GRIP1: variants seen among roughly 807,000 people sequenced by gnomAD.
GRIP1 encodes the protein glutamate receptor interacting protein 1.
A neutral mutation model predicts 129.9 loss-of-function variants in GRIP1; 45 were observed. That is an observed-to-expected ratio of 0.35 (90% CI 0.27 to 0.44). The LOEUF is 0.44. GRIP1 is among the 20% of genes least tolerant of loss of function. The probability of loss-of-function intolerance (pLI) is 1.00; values close to 1 mark genes in which losing one functional copy is unlikely to be tolerated. For synonymous variants in GRIP1, 530 were observed against 520.8 expected, an observed-to-expected ratio of 1.02 and a Z score of -0.24; for missense variants, 1,196 against 1,396.8, an observed-to-expected ratio of 0.86 and a Z score of 2.29.
intron 7 of GRIP1, among the ~76,000 whole-genome samples, chr12:66,494,975 T>A (rs1228661706): frequency 6.6e-6 from 1 of 152,128 alleles, no homozygotes; most frequent in Non-Finnish European, 1.5e-5. Flanking sequence ...AATGTATGTG[T>A]CCTAGGGTTG....
At chr12:67,067,907 C>T (rs753575910) in intron 1 of GRIP1, among the ~76,000 whole-genome samples, 10 of 152,240 alleles carry the variant, frequency 6.6e-5, no homozygotes, top group African/African-American at 2.2e-4. Context: ...TTAACCTCAG[C>T]ACCGGCTGTT....
intron 15 of GRIP1, among the ~76,000 whole-genome samples, chr12:66,409,672 A>G (rs961510150): frequency 2.0e-4 from 30 of 152,252 alleles, no homozygotes; most frequent in African/African-American, 7.2e-4. Flanking sequence ...CTGAGAAAAC[A>G]CGACCTCACC....
chr12:66,751,374 G>C (rs949820246), intron 1 of GRIP1, among the ~76,000 whole-genome samples: 1 of 152,186 alleles, frequency 6.6e-6, no homozygotes. Context: ...GCAGAAAAGG[G>C]GTAACCAGCT....
Position 66,453,649 on chromosome 12 carries a change from C to T in GRIP1, c.1354+1760G>A, listed in dbSNP as rs151157069. 3.2e-4 allele frequency among the ~76,000 whole-genome samples: 49 copies of T among 152,296 alleles called. No individual in the cohort carries two copies. In the East Asian group the frequency reaches 7.7e-3, roughly 24 times the overall value. On this transcript the variant is annotated intron_variant, in intron 11 of 24. Transcript: ENST00000359742. ...CCAGGTGTTGTTCTAAACACATATA[C>T]ACATGCAATCTCATGTAATCTCAAT...
intron 1 of GRIP1, among the ~76,000 whole-genome samples, chr12:66,954,080 A>T (rs1279350748): frequency 5.9e-5 from 9 of 152,136 alleles, no homozygotes; most frequent in Non-Finnish European, 1.2e-4. Flanking sequence ...ACTGGGTTTC[A>T]AGGCTGTCTC....
At chr12:66,578,064 T>C (rs1259580021) in intron 2 of GRIP1, among the ~76,000 whole-genome samples, 1 of 152,078 alleles carries the variant, frequency 6.6e-6, no homozygotes, top group Non-Finnish European at 1.5e-5. Context: ...GCAGAGCAAC[T>C]TGAAACAGGA....
At chr12:66,767,499 A>G (rs1283592606) in intron 1 of GRIP1, among the ~76,000 whole-genome samples, 1 of 152,158 alleles carries the variant, frequency 6.6e-6, no homozygotes. Flanking sequence ...GATACATCTA[A>G]CTAAACAATA....
chr12:66,420,415 G>GC (rs370474761), intron 15 of GRIP1, among the ~76,000 whole-genome samples: 1 of 127,906 alleles, frequency 7.8e-6, no homozygotes, highest in Non-Finnish European at 1.6e-5. Context: ...TACTTTCAGG[G>GC]TTTTTTTTTT....
chr12:66,588,147 A>C (rs549173156), intron 2 of GRIP1, among the ~76,000 whole-genome samples: 162 of 152,208 alleles, frequency 1.1e-3, no homozygotes, highest in Non-Finnish European at 1.9e-3. Flanking sequence ...CATAAAGCAT[A>C]GTTATGGTGT....
At chr12:66,784,891 C>A (rs1405667317) in intron 1 of GRIP1, among the ~76,000 whole-genome samples, 3 of 152,124 alleles carry the variant, frequency 2.0e-5, no homozygotes, top group Non-Finnish European at 2.9e-5. Context: ...AGTCATTCTT[C>A]TCTGGCAGTG....
chr12:66,806,299 G>T (rs1166236250), upstream of GRIP1, among the ~76,000 whole-genome samples: 1 of 152,032 alleles, frequency 6.6e-6, no homozygotes, highest in Admixed American at 6.5e-5. Flanking sequence ...AGATTATTTT[G>T]TCTATCTAAG....
At chr12:66,511,220 A>C (rs2060689327) in intron 7 of GRIP1, among the ~76,000 whole-genome samples, 1 of 152,088 alleles carries the variant, frequency 6.6e-6, no homozygotes, top group African/African-American at 2.4e-5. Context: ...CTGCCATGGG[A>C]AATGTTCCTT....
chr12:66,508,958 C>A (rs1592453358), intron 7 of GRIP1, among the ~76,000 whole-genome samples: 2 of 152,310 alleles, frequency 1.3e-5, no homozygotes, highest in East Asian at 3.9e-4. Flanking sequence ...CTCTGTAACA[C>A]CTGCCCAAGG....
At chr12:66,515,581 T>C in intron 7 of GRIP1, 38 bp downstream of exon 7, 1 of 1,582,308 alleles carries the variant, frequency 6.3e-7, no homozygotes, top group Non-Finnish European at 8.7e-7. Context: ...AGTGACGTTC[T>C]GGTGCTTAGA....
At chr12:66,530,720 AC>A (rs753663009) in intron 4 of GRIP1, among the ~76,000 whole-genome samples, 15 of 98,600 alleles carry the variant, frequency 1.5e-4, no homozygotes, top group African/African-American at 2.2e-4. Flanking sequence ...TACTATATAC[AC>A]CATTTCTGCA....
At chr12:66,778,217 T>C (rs1199543314) in intron 1 of GRIP1, among the ~76,000 whole-genome samples, 1 of 152,144 alleles carries the variant, frequency 6.6e-6, no homozygotes, top group African/African-American at 2.4e-5. Context: ...GAATTTGTGA[T>C]TTGTATTATA....
chr12:66,451,383 G>GTTTTTTTTTTTTTTTTTTT lies in GRIP1; in HGVS notation c.1354+4007_1354+4025dup, dbSNP rs1169331519. On this transcript the variant is annotated intron_variant, in intron 11 of 24. Coordinates refer to ENST00000359742, the MANE Select transcript of GRIP1 (RefSeq NM_001366722.1). ...CCCCAAAGATTTATTATTATAATCT[G>GTTTTTTTTTTTTTTTTTTT]TTTTTTTTTTTTTTTTTTTTTTTTT... is the stretch of plus-strand genomic sequence containing the variant. Among the ~76,000 whole-genome samples, 15 of 42,656 alleles carry GTTTTTTTTTTTTTTTTTTT rather than the reference G, an allele frequency of 3.5e-4. 4 individuals carry two copies. The highest frequency in any genetic ancestry group is 6.3e-4 in the Admixed American group (2 of 3,150). 28.0% of individuals were successfully genotyped at this position (42,656 alleles called of 152,430 possible).
At chr12:66,935,130 T>C (rs1276151230) in intron 1 of GRIP1, among the ~76,000 whole-genome samples, 1 of 152,214 alleles carries the variant, frequency 6.6e-6, no homozygotes, top group African/African-American at 2.4e-5. Context: ...GAAGATTTTC[T>C]TCATAGGACT....
At chr12:66,747,775 G>A (rs2036995982) in intron 1 of GRIP1, among the ~76,000 whole-genome samples, 1 of 152,066 alleles carries the variant, frequency 6.6e-6, no homozygotes. Context: ...TGTGAACTCT[G>A]TGAAATGTAC....
Sources: allele counts gnomAD v4.1 joint callset (sites outside exome capture counted in the v4.1 genomes callset), GRCh38; gene constraint gnomAD v4.1.1; transcripts MANE v1.5; gene names NCBI Gene and HGNC (gene_info 2026-07-23, HGNC 2026-07-21).